The following RYK variants were observed in gnomAD, a reference collection of about 807,000 sequenced individuals.
RYK encodes the protein receptor like tyrosine kinase, also known as inactive tyrosine-protein kinase RYK.
A neutral mutation model predicts 70.2 loss-of-function variants in RYK; 21 were observed. The observed-to-expected ratio is 0.30, with a 90% confidence interval of 0.21 to 0.43. The LOEUF (loss-of-function observed/expected upper bound fraction) is 0.43. Among genes scored for constraint, RYK ranks in the 20% least tolerant of loss-of-function variants. The probability of loss-of-function intolerance (pLI) is 1.00; values close to 1 mark genes in which losing one functional copy is unlikely to be tolerated. For synonymous variants in RYK, 267 were observed against 278.0 expected, an observed-to-expected ratio of 0.96 and a Z score of 0.39; for missense variants, 604 against 753.3, an observed-to-expected ratio of 0.80 and a Z score of 2.32.
intron 2 of RYK, among the ~76,000 whole-genome samples, chr3:134,220,061 G>A (rs1247735248): frequency 6.6e-6 from 1 of 152,176 alleles, no homozygotes; most frequent in Non-Finnish European, 1.5e-5. Context: ...TGTGCACTGG[G>A]AAGGACAGCA....
intron 1 of RYK, among the ~76,000 whole-genome samples, chr3:134,225,036 T>C (rs2014862107): frequency 6.6e-6 from 1 of 152,222 alleles, no homozygotes; most frequent in South Asian, 2.1e-4. Context: ...CCTGGGTGGC[T>C]TGCCATCCAC....
rs372711707 is a variant in RYK, at chr3:134,174,082, T to C, written c.1575+1527A>G. Among the ~76,000 whole-genome samples the C allele has an allele frequency of 1.4e-4, 22 of 152,272 alleles. No homozygotes were observed. The East Asian group carries it at 3.3e-3, about 23-fold the overall frequency. On this transcript the variant is annotated intron_variant, in intron 13 of 14. Transcript: ENST00000623711. ...CTTTTAAGAGGGAGGCAAAGAGAGT[T>C]TGAAAGACGTATGTGAAGAAGAAGG...
At chr3:134,225,840 C>G (rs1021104398) in intron 1 of RYK, among the ~76,000 whole-genome samples, 25 of 148,844 alleles carry the variant, frequency 1.7e-4, no homozygotes, top group Non-Finnish European at 3.4e-4. Flanking sequence ...CTATGTAACA[C>G]AAGACCCTCT....
At position 134,208,500 on chromosome 3, in the gene RYK, T is replaced by C. The variant is rs2014283088; in HGVS notation, c.590-975A>G. Among the ~76,000 whole-genome samples, 4 of 152,320 alleles carry C rather than the reference T, an allele frequency of 2.6e-5. No homozygotes were observed. In the South Asian group the frequency reaches 8.3e-4, roughly 32 times the overall value. On this transcript the variant is annotated intron_variant, in intron 4 of 14. Coordinates refer to ENST00000623711, the MANE Select transcript of RYK (RefSeq NM_002958.4). Reference sequence around the variant, plus strand: ...ACATGGAAGTTGGTATATAACTGAATATAGTAGAACTGAAAATTGTACCAA... The same window carrying C: ...ACATGGAAGTTGGTATATAACTGAACATAGTAGAACTGAAAATTGTACCAA...
intron 13 of RYK, among the ~76,000 whole-genome samples, chr3:134,162,462 G>T (rs1347657118): frequency 6.6e-6 from 1 of 152,108 alleles, no homozygotes; most frequent in African/African-American, 2.4e-5. Context: ...CTATGCTCTG[G>T]GAGGAGGGGG....
intron 1 of RYK, among the ~76,000 whole-genome samples, chr3:134,243,195 T>C (rs1264570014): frequency 6.6e-6 from 1 of 152,188 alleles, no homozygotes; most frequent in Non-Finnish European, 1.5e-5. Context: ...GAAAGGGTCC[T>C]TTGGTTCAGT....
At chr3:134,238,768 A>G (rs1270589631) in intron 1 of RYK, among the ~76,000 whole-genome samples, 5 of 152,270 alleles carry the variant, frequency 3.3e-5, no homozygotes, top group African/African-American at 1.2e-4. Context: ...AGAATCATGG[A>G]AAATACAAAA....
At chr3:134,175,425 T>C (rs1211529438) in intron 13 of RYK, among the ~76,000 whole-genome samples, 184 bp downstream of exon 13, 1 of 151,838 alleles carries the variant, frequency 6.6e-6, no homozygotes, top group East Asian at 1.9e-4. Context: ...TGGCCTATGG[T>C]CTGGGTCACA....
At chr3:134,175,802 C>CA (rs1385392783) in intron 12 of RYK, 34 bp from the exon 13 acceptor site, 1 of 1,610,848 alleles carries the variant, frequency 6.2e-7, no homozygotes, top group African/African-American at 1.3e-5. Context: ...CAAATGCAAT[C>CA]AGAGTATTAA....
intron 8 of RYK, among the ~76,000 whole-genome samples, chr3:134,190,626 T>G (rs1275344735): frequency 6.6e-6 from 1 of 152,194 alleles, no homozygotes; most frequent in African/African-American, 2.4e-5. Context: ...CTGACCACCT[T>G]TTTAAATGTT....
At chr3:134,175,826 T>C (rs1030790985) in intron 12 of RYK, 58 bp from the exon 13 acceptor site, 6 of 1,587,260 alleles carry the variant, frequency 3.8e-6, no homozygotes, top group Non-Finnish European at 5.2e-6. Context: ...GTAGGGATCA[T>C]CACCACCCTT....
chr3:134,215,520 T>C (rs1017685470), intron 2 of RYK, among the ~76,000 whole-genome samples: 1 of 152,230 alleles, frequency 6.6e-6, no homozygotes, highest in African/African-American at 2.4e-5. Flanking sequence ...GTCTTTAAGA[T>C]ATAAATTTTA....
At chr3:134,196,254 G>A (rs1037304065) in intron 6 of RYK, among the ~76,000 whole-genome samples, 10 of 152,140 alleles carry the variant, frequency 6.6e-5, no homozygotes, top group Non-Finnish European at 1.3e-4. Flanking sequence ...TAATTTTGCA[G>A]CAGTGGAGAC....
intron 2 of RYK, among the ~76,000 whole-genome samples, chr3:134,216,701 G>A (rs999292131): frequency 6.8e-6 from 1 of 147,070 alleles, no homozygotes; most frequent in African/African-American, 2.5e-5. Flanking sequence ...GCTGAGGCAG[G>A]AGAATGGTGT....
chr3:134,191,725 T>C (rs990187079), intron 8 of RYK, 124 bp downstream of exon 8: 25 of 717,012 alleles, frequency 3.5e-5, no homozygotes, highest in African/African-American at 3.3e-4. Flanking sequence ...AGAAAAACCA[T>C]ACACTGCTTC....
intron 6 of RYK, among the ~76,000 whole-genome samples, chr3:134,200,757 GA>G (rs1456194068): frequency 6.6e-6 from 1 of 152,142 alleles, no homozygotes; most frequent in Non-Finnish European, 1.5e-5. Context: ...CTAGTAAACA[GA>G]ATAGCCAGGC....
At chr3:134,164,695 T>C (rs955225443) in intron 13 of RYK, among the ~76,000 whole-genome samples, 4 of 152,274 alleles carry the variant, frequency 2.6e-5, no homozygotes, top group Non-Finnish European at 5.9e-5. Flanking sequence ...CTATTAAAAA[T>C]AAAGCTGCTA....
chr3:134,239,513 G>C (rs1329743289), intron 1 of RYK, among the ~76,000 whole-genome samples: 1 of 152,072 alleles, frequency 6.6e-6, no homozygotes, highest in East Asian at 1.9e-4. Context: ...ATTAACATAT[G>C]TAAACTTCCA....
intron 6 of RYK, among the ~76,000 whole-genome samples, chr3:134,196,163 C>T (rs530447947): frequency 6.6e-6 from 1 of 152,234 alleles, no homozygotes; most frequent in African/African-American, 2.4e-5. Context: ...AGTAATGCTG[C>T]TCAAGCATGT....
Sources: allele counts gnomAD v4.1 joint callset (sites outside exome capture counted in the v4.1 genomes callset), GRCh38; gene constraint gnomAD v4.1.1; transcripts MANE v1.5; gene names NCBI Gene and HGNC (gene_info 2026-07-23, HGNC 2026-07-21).